BCL11A: variants seen among roughly 807,000 people sequenced by gnomAD.
The protein encoded by BCL11A is BCL11 transcription factor A.
In BCL11A, 2 loss-of-function variants were observed where a neutral mutation model predicts 55.9. The ratio of observed to expected loss-of-function variants is 0.04; its 90% CI spans 0.01 to 0.11. BCL11A has a LOEUF of 0.11. Among genes scored for constraint, BCL11A ranks in the 10% least tolerant of loss-of-function variants. The probability of loss-of-function intolerance (pLI) is 1.00; values close to 1 mark genes in which losing one functional copy is unlikely to be tolerated. For missense variants in BCL11A, 817 were observed against 1,137.1 expected, an observed-to-expected ratio of 0.72 and a Z score of 4.05; for synonymous variants, 465 against 473.4, an observed-to-expected ratio of 0.98 and a Z score of 0.23.
At chr2:60,542,501 T>C (rs1321893842) in intron 2 of BCL11A, 1 of 152,250 alleles carries the variant, frequency 6.6e-6, no homozygotes, top group African/African-American at 2.4e-5. Context: ...AGGGTGGATA[T>C]TTGACACACA....
chr2:60,514,153 C>A (rs539028163), intron 2 of BCL11A, among the ~76,000 whole-genome samples: 11 of 152,098 alleles, frequency 7.2e-5, no homozygotes, highest in Non-Finnish European at 1.3e-4. Context: ...TGAGAGGCTT[C>A]CAGGCTGGAG....
At chr2:60,544,921 A>C (rs1247399069) in intron 2 of BCL11A, 1 of 152,354 alleles carries the variant, frequency 6.6e-6, no homozygotes, top group South Asian at 2.1e-4. Context: ...TTTAAGTCCC[A>C]CTGCTAGCCT....
intron 3 of BCL11A, among the ~76,000 whole-genome samples, chr2:60,467,734 GGTGGTGGTAGTGATGGTGGTGGTA>G (rs1558620023): frequency 2.2e-5 from 2 of 92,146 alleles, no homozygotes; most frequent in Non-Finnish European, 4.6e-5. Context: ...TGGTGATGGT[GGTGGTGGTAGTGATGGTGGTGGTA>G]ATGGTGGTGG....
chr2:60,550,684 G>C (rs568355357), intron 1 of BCL11A, among the ~76,000 whole-genome samples: 1 of 152,286 alleles, frequency 6.6e-6, no homozygotes, highest in Admixed American at 6.5e-5. Flanking sequence ...CCCGGGACAG[G>C]AGGAGGGGGT....
At chr2:60,536,583 A>C (rs1332720905) in intron 2 of BCL11A, 2 of 152,164 alleles carry the variant, frequency 1.3e-5, no homozygotes, top group East Asian at 3.8e-4. Context: ...TAAAAACAAA[A>C]GTTTAGAAAC....
Position 60,538,829 on chromosome 2 carries a change from T to C in BCL11A, c.385+7142A>G, listed in dbSNP as rs140777305. On this transcript the variant is annotated intron_variant, in intron 2 of 3. Transcript: ENST00000642384. ...TGCAAATCACCACAAATATTTACAC[T>C]GTACTCCCTTTGTTCAAATCACATA... Among the ~76,000 whole-genome samples, 608 of 151,608 alleles carry C rather than the reference T, an allele frequency of 4.0e-3. 6 individuals are homozygous for C. Among genetic ancestry groups the C allele is most frequent in the African/African-American group, 0.014 (594 of 41,316 alleles).
chr2:60,523,644 T>C (rs1409857147), intron 2 of BCL11A, among the ~76,000 whole-genome samples: 1 of 151,042 alleles, frequency 6.6e-6, no homozygotes, highest in African/African-American at 2.4e-5. Context: ...TGTTGATGTG[T>C]TTGGGGATTT....
rs1469930637 is a variant in BCL11A at position 60,459,871 on chromosome 2, C to T, written c.*533G>A. 5 of 1,047,826 alleles carry T rather than the reference C, an allele frequency of 4.8e-6. No homozygotes were observed. The highest frequency in any genetic ancestry group is 5.6e-5 in the East Asian group (1 of 17,866). The allele number at this position is 1,047,826 out of a possible 1,614,324, so 64.9% of individuals were successfully genotyped here. A position where few individuals can be genotyped will look rare whatever the true frequency, so the allele number is the denominator to read the frequency against. On this transcript the variant is annotated 3_prime_UTR_variant, in exon 4 of 4. Transcript: ENST00000642384. ...GGTTAATCCAAAGACTGTTTTTCCT[C>T]CTCACGTTATAAAATAAAACTGTAC...
chr2:60,501,014 C>T (rs78626586), intron 2 of BCL11A, among the ~76,000 whole-genome samples: 2,120 of 152,252 alleles, frequency 0.014, 25 homozygotes, highest in Middle Eastern at 0.048. Context: ...AATGGGAGAA[C>T]CCTGAACTGC....
chr2:60,542,140 A>G, intron 2 of BCL11A: 1 of 386,968 alleles, frequency 2.6e-6, no homozygotes, highest in Admixed American at 4.6e-5. Flanking sequence ...CCTGATATAA[A>G]TGTCTATGTT....
chr2:60,461,122 A>G lies in BCL11A; in HGVS notation c.1790T>C (p.Ile597Thr). 6.2e-7 allele frequency: 1 copy of G among 1,610,350 alleles called. No individual in the cohort carries two copies. The highest frequency in any genetic ancestry group is 8.5e-7 in the Non-Finnish European group (1 of 1,178,832). The change falls in exon 4 of 4, where the codon ATA becomes ACA. Residue 597 changes from isoleucine (I) to threonine (T), a missense_variant. Around this residue, in one of 4 missense-constraint regions of BCL11A, gnomAD observed 379 missense variants for 425.3 expected, o/e 0.89. Transcript: ENST00000642384. ...GCGGCCATTAACAGTGCCATCGTCTATGCGGTCCGACTCGCCGGCCACCGA... is the reference window on the plus strand; with the variant it reads ...GCGGCCATTAACAGTGCCATCGTCTGTGCGGTCCGACTCGCCGGCCACCGA... ...EDSVAGESDRIDDGTVNGRGC... is the reference protein window; with the variant it reads ...EDSVAGESDRTDDGTVNGRGC...
chr2:60,474,254 C>G (rs1160180550), intron 2 of BCL11A, among the ~76,000 whole-genome samples: 3 of 152,024 alleles, frequency 2.0e-5, no homozygotes, highest in Non-Finnish European at 4.4e-5. Flanking sequence ...ATCTGTCAGG[C>G]CTAAACAAAA....
At chr2:60,527,810 G>C (rs965677471) in intron 2 of BCL11A, 3 of 152,214 alleles carry the variant, frequency 2.0e-5, no homozygotes, top group Non-Finnish European at 4.4e-5. Flanking sequence ...CAATTTGAAA[G>C]GATGGAGAAT....
chr2:60,527,949 G>C (rs1042142610), intron 2 of BCL11A: 1 of 152,236 alleles, frequency 6.6e-6, no homozygotes, highest in Non-Finnish European at 1.5e-5. Flanking sequence ...AGGCCACCAC[G>C]CAGCTGAAAA....
chr2:60,500,237 G>C (rs1679204547), intron 2 of BCL11A, among the ~76,000 whole-genome samples: 2 of 152,064 alleles, frequency 1.3e-5, no homozygotes, highest in South Asian at 2.1e-4. Context: ...CTGTGTGTGA[G>C]AGCGGTGGTC....
rs749531126 is a variant in BCL11A, at chr2:60,546,331, T to C, written c.56-31A>G. On this transcript the variant is annotated intron_variant, in intron 1 of 3. Transcript: ENST00000642384. The surrounding 1 kb of genome is among the most constrained non-coding windows in gnomAD (Gnocchi z 4.1). ...GTTGGAGAAACAAAAGCACAATTAT[T>C]AGAGTGCCAGAGAGGACAGAAAGGG... The C allele has an allele frequency of 1.6e-5, 25 of 1,589,768 alleles. No individual in the cohort carries two copies. Among genetic ancestry groups the C allele is most frequent in the Non-Finnish European group, 1.8e-5 (21 of 1,161,884 alleles).
At chr2:60,481,866 A>G (rs183637676) in intron 2 of BCL11A, among the ~76,000 whole-genome samples, 8 of 152,284 alleles carry the variant, frequency 5.3e-5, no homozygotes, top group African/African-American at 1.9e-4. Flanking sequence ...TGAATTGGGA[A>G]AGTGAATGGG....
At chr2:60,454,404 CT>C (rs1409435650), downstream of BCL11A, among the ~76,000 whole-genome samples, 19 of 152,144 alleles carry the variant, frequency 1.2e-4, no homozygotes, top group Non-Finnish European at 2.6e-4. Flanking sequence ...TGAGAGAACT[CT>C]GCCAATCCCA....
intron 2 of BCL11A, chr2:60,542,028 A>G (rs1573088693): frequency 3.2e-6 from 2 of 618,802 alleles, no homozygotes; most frequent in South Asian, 4.1e-5. Flanking sequence ...ATGCTAATGT[A>G]TTTCCATTTT....
Sources: allele counts gnomAD v4.1 joint callset (sites outside exome capture counted in the v4.1 genomes callset), GRCh38; gene constraint gnomAD v4.1.1; regional missense constraint gnomAD v4.1.1; non-coding constraint Gnocchi (gnomAD v3.1); transcripts MANE v1.5; gene names NCBI Gene and HGNC (gene_info 2026-07-23, HGNC 2026-07-21).